The following FREM3 variants were observed in gnomAD, a reference collection of about 807,000 sequenced individuals.
The protein encoded by FREM3 is FRAS1 related extracellular matrix 3.
In FREM3, 105 loss-of-function variants were observed where a neutral mutation model predicts 129.1. The observed-to-expected ratio is 0.81, with a 90% CI of 0.69 to 0.96. The LOEUF (loss-of-function observed/expected upper bound fraction) is 0.96. Ranked by LOEUF, FREM3 falls within the 40% of genes least tolerant of loss-of-function variation. The pLI is 0.00. For missense variants in FREM3, 2,593 were observed against 2,666.3 expected, an observed-to-expected ratio of 0.97 and a Z score of 0.61; for synonymous variants, 1,014 against 1,044.9, an observed-to-expected ratio of 0.97 and a Z score of 0.57.
chr4:143,626,937 A>G (rs1739047138), intron 3 of FREM3, among the ~76,000 whole-genome samples: 2 of 152,156 alleles, frequency 1.3e-5, no homozygotes, highest in African/African-American at 4.8e-5. Context: ...TTCTTAATAG[A>G]TTATGTAAAT....
chr4:143,691,341 A>C (rs1329042090), intron 2 of FREM3, among the ~76,000 whole-genome samples: 4 of 152,118 alleles, frequency 2.6e-5, no homozygotes, highest in African/African-American at 4.8e-5. Context: ...GGTACATGAA[A>C]ATCTCACAAA....
chr4:143,592,518 A>G (rs1035491566), intron 6 of FREM3, among the ~76,000 whole-genome samples: 3 of 152,208 alleles, frequency 2.0e-5, no homozygotes, highest in African/African-American at 7.2e-5. Context: ...TTGGCTGGAT[A>G]TGAAATTCTG....
rs183954575 is a variant in FREM3 at position 143,694,912 on chromosome 4, C to T, written c.5185+579G>A. On this transcript the variant is annotated intron_variant, in intron 1 of 7. Transcript: ENST00000329798. ...AGCATTTAAAAGCCAGTGGGTATCA[C>T]ATCACCTGGGAAAGTAGAGGGACCT... Among the ~76,000 whole-genome samples the T allele has an allele frequency of 4.0e-3, 608 of 152,316 alleles. 2 individuals carry two copies. Among genetic ancestry groups the T allele is most frequent in the Non-Finnish European group, 6.2e-3 (422 of 68,036 alleles).
chr4:143,638,343 G>A (rs1313998153), intron 2 of FREM3, among the ~76,000 whole-genome samples: 1 of 152,104 alleles, frequency 6.6e-6, no homozygotes, highest in Non-Finnish European at 1.5e-5. Context: ...GTGCCCACAT[G>A]GGCCATCTCT....
intron 2 of FREM3, among the ~76,000 whole-genome samples, chr4:143,650,047 T>G (rs1370826901): frequency 6.6e-6 from 1 of 152,226 alleles, no homozygotes; most frequent in Non-Finnish European, 1.5e-5. Context: ...TTTTGTCATG[T>G]CAATTGTTAA....
chr4:143,658,788 C>A (rs1294873233), intron 2 of FREM3, among the ~76,000 whole-genome samples: 1 of 152,120 alleles, frequency 6.6e-6, no homozygotes, highest in Non-Finnish European at 1.5e-5. Flanking sequence ...CTAAAGTGGC[C>A]CAGAAAAGCC....
chr4:143,674,858 T>A (rs1208892531), intron 2 of FREM3, among the ~76,000 whole-genome samples: 1 of 152,148 alleles, frequency 6.6e-6, no homozygotes, highest in East Asian at 1.9e-4. Flanking sequence ...TAAATATATA[T>A]TCACCCAATA....
At chr4:143,649,493 G>T (rs1331863630) in intron 2 of FREM3, among the ~76,000 whole-genome samples, 3 of 152,166 alleles carry the variant, frequency 2.0e-5, no homozygotes, top group African/African-American at 7.2e-5. Context: ...GTTAACCTGG[G>T]AGTGTTAATA....
chr4:143,581,204 G>A (rs1738136344), intron 7 of FREM3, among the ~76,000 whole-genome samples: 1 of 152,158 alleles, frequency 6.6e-6, no homozygotes, highest in Non-Finnish European at 1.5e-5. Flanking sequence ...CTTGATCTGG[G>A]AACCCAGCAC....
intron 6 of FREM3, among the ~76,000 whole-genome samples, chr4:143,594,284 T>C (rs1738424872): frequency 6.6e-6 from 1 of 152,112 alleles, no homozygotes; most frequent in Non-Finnish European, 1.5e-5. Context: ...GGTACCTCAG[T>C]TGGAAATGCA....
At chr4:143,683,342 A>G (rs1447683014) in intron 2 of FREM3, among the ~76,000 whole-genome samples, 1 of 152,132 alleles carries the variant, frequency 6.6e-6, no homozygotes, top group Non-Finnish European at 1.5e-5. Context: ...AGTCCCCCCC[A>G]AACTGTGAGT....
intron 2 of FREM3, among the ~76,000 whole-genome samples, chr4:143,654,369 G>T (rs1157976534): frequency 6.6e-6 from 1 of 152,186 alleles, no homozygotes; most frequent in Non-Finnish European, 1.5e-5. Flanking sequence ...CTCCCAAAGT[G>T]CTGGCATTAC....
rs77577620 is a variant in FREM3, at chr4:143,667,649, G to C, written c.5275+25464C>G. On this transcript the variant is annotated intron_variant, in intron 2 of 7. Coordinates refer to ENST00000329798, the MANE Select transcript of FREM3 (RefSeq NM_001168235.2). ...AATCCATCATAACTTTTTCAGTTGA[G>C]TAACTCAACTGGCTCTCCTAAGCAA... 6.8e-3 allele frequency among the ~76,000 whole-genome samples: 1,039 copies of C among 152,282 alleles called. 16 individuals are homozygous for C. Among genetic ancestry groups the C allele is most frequent in the African/African-American group, 0.024 (992 of 41,552 alleles).
chr4:143,660,240 C>G (rs1274602359), intron 2 of FREM3, among the ~76,000 whole-genome samples: 1 of 151,474 alleles, frequency 6.6e-6, no homozygotes, highest in African/African-American at 2.4e-5. Context: ...GTCTTTAATC[C>G]ATCTTGAATT....
intron 6 of FREM3, 130 bp from the exon 7 acceptor site, chr4:143,586,123 T>C (rs1007011359): frequency 2.3e-6 from 2 of 859,466 alleles, no homozygotes; most frequent in Non-Finnish European, 3.5e-6. Flanking sequence ...TCTTGTTTTT[T>C]TATATAGCTC....
At chr4:143,645,078 C>T (rs1739392147) in intron 2 of FREM3, 1 of 152,208 alleles carries the variant, frequency 6.6e-6, no homozygotes, top group Non-Finnish European at 1.5e-5. Flanking sequence ...CTGCTTTTCT[C>T]ATGCAGCTTG....
intron 6 of FREM3, among the ~76,000 whole-genome samples, chr4:143,596,272 A>G (rs113294470): frequency 5.7e-4 from 87 of 152,334 alleles, no homozygotes; most frequent in African/African-American, 2.0e-3. Flanking sequence ...AGTGTGGGCC[A>G]TGAATTTAGG....
chr4:143,591,429 GCTATGTTGTGT>G (rs1424733730), intron 6 of FREM3, among the ~76,000 whole-genome samples: 14 of 152,186 alleles, frequency 9.2e-5, no homozygotes, highest in Non-Finnish European at 2.1e-4. Flanking sequence ...CAGAGATTCT[GCTATGTTGTGT>G]CTTTGTTCTC....
chr4:143,676,986 C>A (rs1424391956), intron 2 of FREM3, among the ~76,000 whole-genome samples: 2 of 152,148 alleles, frequency 1.3e-5, no homozygotes, highest in African/African-American at 4.8e-5. Flanking sequence ...TTTATAGATT[C>A]ATTGCCATCC....
Sources: allele counts gnomAD v4.1 joint callset (sites outside exome capture counted in the v4.1 genomes callset), GRCh38; gene constraint gnomAD v4.1.1; transcripts MANE v1.5; gene names NCBI Gene and HGNC (gene_info 2026-07-23, HGNC 2026-07-21).